The following INPP4B variants were observed in gnomAD, a reference collection of about 807,000 sequenced individuals.
INPP4B encodes the protein inositol polyphosphate-4-phosphatase type II B.
In INPP4B, 55 loss-of-function variants were observed where a neutral mutation model predicts 122.5. The ratio of observed to expected loss-of-function variants is 0.45; its 90% confidence interval spans 0.36 to 0.56. The LOEUF is 0.56. Ranked by LOEUF, INPP4B falls within the 20% of genes least tolerant of loss-of-function variation. INPP4B has a pLI of 0.00. For synonymous variants in INPP4B, 403 were observed against 388.7 expected (o/e 1.04, Z -0.43); for missense variants, 1,000 against 1,097.7 (o/e 0.91, Z 1.26).
chr4:142,591,382 A>T (rs572395291), intron 2 of INPP4B, among the ~76,000 whole-genome samples: 117 of 152,326 alleles, frequency 7.7e-4, no homozygotes, highest in Middle Eastern at 3.4e-3. Flanking sequence ...CAAAAACTTG[A>T]GCAACTAAAT....
rs938284198 is a variant in INPP4B at position 142,139,432 on chromosome 4, G to A, written c.1720+6408C>T. ...AGTGATTCTCTAGCCTCAGCCTCCC[G>A]AGTAGCTGGGACTACAGGCGCGTGC... On this transcript the variant is annotated intron_variant, in intron 18 of 25. Coordinates refer to ENST00000262992, the MANE Select transcript of INPP4B (RefSeq NM_001101669.3). Among the ~76,000 whole-genome samples, 10 of 151,952 alleles carry A rather than the reference G, an allele frequency of 6.6e-5. No individual in the cohort carries two copies. The East Asian group carries it at 9.7e-4, about 15-fold the overall frequency.
intron 23 of INPP4B, among the ~76,000 whole-genome samples, chr4:142,098,701 T>G (rs79709918): frequency 0.035 from 5,256 of 152,164 alleles, 117 homozygotes; most frequent in Middle Eastern, 0.065. Context: ...AGGTTGAAAT[T>G]AATATAAACG....
At position 142,581,608 on chromosome 4, in the gene INPP4B, G is replaced by T. The variant is rs548666862; in HGVS notation, c.-190-118882C>A. Among the ~76,000 whole-genome samples the T allele has an allele frequency of 3.7e-5, 5 of 135,696 alleles. 1 individual carries two copies. The highest frequency in any genetic ancestry group is 1.4e-4 in the African/African-American group (5 of 35,912). 89.0% of individuals were successfully genotyped at this position (135,696 alleles called of 152,430 possible). A position where few individuals can be genotyped will look rare whatever the true frequency, so the allele number is the denominator to read the frequency against. ...TTCTATCTATTAGAAATAGATAGAA[G>T]TTCCATTTCTATCTATTAGAAATAG... On this transcript the variant is annotated intron_variant, in intron 2 of 25. Transcript: ENST00000262992.
At chr4:142,256,896 C>T (rs1010160739) in intron 11 of INPP4B, among the ~76,000 whole-genome samples, 2 of 152,056 alleles carry the variant, frequency 1.3e-5, no homozygotes, top group Non-Finnish European at 2.9e-5. Context: ...GGCAGAGACA[C>T]AACCAAAAAA....
chr4:142,790,577 A>G (rs1279229737), intron 1 of INPP4B, among the ~76,000 whole-genome samples: 1 of 152,076 alleles, frequency 6.6e-6, no homozygotes, highest in Non-Finnish European at 1.5e-5. Flanking sequence ...AGATGTTGGC[A>G]TGGAAACTAG....
chr4:142,631,748 A>G (rs1326467202), intron 2 of INPP4B, among the ~76,000 whole-genome samples: 1 of 152,202 alleles, frequency 6.6e-6, no homozygotes, highest in African/African-American at 2.4e-5. Flanking sequence ...ATCTATCTAC[A>G]GAAAAAAGGA....
intron 13 of INPP4B, 69 bp downstream of exon 13, chr4:142,208,827 A>AT (rs139680025): frequency 0.047 from 50,728 of 1,080,708 alleles, 606 homozygotes; most frequent in Middle Eastern, 0.071. Context: ...TCTATTTATT[A>AT]TTTTTTTTTT....
chr4:142,478,645 T>C (rs1267692338), intron 2 of INPP4B, among the ~76,000 whole-genome samples: 1 of 152,204 alleles, frequency 6.6e-6, no homozygotes, highest in Admixed American at 6.5e-5. Context: ...GCCTACTTGA[T>C]CATGGTAGAT....
intron 9 of INPP4B, among the ~76,000 whole-genome samples, chr4:142,282,113 G>A (rs956927981): frequency 2.0e-5 from 3 of 152,222 alleles, no homozygotes; most frequent in African/African-American, 7.2e-5. Context: ...AGGGTAAAAG[G>A]TGGATGAGTG....
chr4:142,806,607 G>A (rs1326252971), intron 1 of INPP4B, among the ~76,000 whole-genome samples: 1 of 151,628 alleles, frequency 6.6e-6, no homozygotes, highest in African/African-American at 2.4e-5. Flanking sequence ...AGCCTGGCAT[G>A]GTGGCATGTG....
At chr4:142,792,083 C>A (rs1776626084) in intron 1 of INPP4B, among the ~76,000 whole-genome samples, 1 of 151,960 alleles carries the variant, frequency 6.6e-6, no homozygotes, top group Non-Finnish European at 1.5e-5. Context: ...GGGATATTTT[C>A]TTTTAAAAAA....
At chr4:142,065,427 T>G (rs1578777683) in intron 25 of INPP4B, among the ~76,000 whole-genome samples, 1 of 152,212 alleles carries the variant, frequency 6.6e-6, no homozygotes, top group East Asian at 1.9e-4. Context: ...CAAACACATA[T>G]GCACATATGC....
At chr4:142,514,796 T>TC (rs945024371) in intron 2 of INPP4B, among the ~76,000 whole-genome samples, 2 of 130,690 alleles carry the variant, frequency 1.5e-5, no homozygotes, top group African/African-American at 5.7e-5. Context: ...TGATTTCTTT[T>TC]TTTTTTTTTT....
At chr4:142,751,243 T>C (rs997786549) in intron 1 of INPP4B, among the ~76,000 whole-genome samples, 7 of 150,666 alleles carry the variant, frequency 4.6e-5, no homozygotes, top group African/African-American at 1.7e-4. Flanking sequence ...TTTTGTTTCC[T>C]TGTTTTCATA....
intron 2 of INPP4B, among the ~76,000 whole-genome samples, chr4:142,502,672 GT>G (rs1311727933): frequency 6.6e-6 from 1 of 151,810 alleles, no homozygotes; most frequent in Non-Finnish European, 1.5e-5. Flanking sequence ...GTAGAGATGG[GT>G]TTTCACCATA....
At chr4:142,102,226 A>G (rs773970350) in intron 23 of INPP4B, among the ~76,000 whole-genome samples, 4 of 152,106 alleles carry the variant, frequency 2.6e-5, no homozygotes, top group Non-Finnish European at 5.9e-5. Flanking sequence ...AACTAAAAAT[A>G]TAAGTTCAAA....
chr4:142,639,344 T>A (rs974977750), intron 2 of INPP4B, among the ~76,000 whole-genome samples: 17 of 152,174 alleles, frequency 1.1e-4, no homozygotes, highest in African/African-American at 4.1e-4. Flanking sequence ...TATAATTTTT[T>A]TCTTGAATGT....
At chr4:142,104,097 T>G (rs939873989) in intron 23 of INPP4B, among the ~76,000 whole-genome samples, 4 of 152,110 alleles carry the variant, frequency 2.6e-5, no homozygotes, top group African/African-American at 9.7e-5. Flanking sequence ...GACAATATCC[T>G]TCTTCTTTGT....
chr4:142,093,243 G>A (rs1780356966), intron 23 of INPP4B, among the ~76,000 whole-genome samples: 1 of 152,162 alleles, frequency 6.6e-6, no homozygotes, highest in Non-Finnish European at 1.5e-5. Context: ...TGTGAGTACA[G>A]AAACCTCCAG....
Sources: allele counts gnomAD v4.1 joint callset (sites outside exome capture counted in the v4.1 genomes callset), GRCh38; gene constraint gnomAD v4.1.1; transcripts MANE v1.5; gene names NCBI Gene and HGNC (gene_info 2026-07-23, HGNC 2026-07-21).